Variants in ASIC2 observed in about 807,000 individuals in gnomAD.
The protein encoded by ASIC2 is acid-sensing ion channel 2.
A neutral mutation model predicts 57.3 loss-of-function variants in ASIC2; 25 were observed. The observed-to-expected ratio is 0.44, with a 90% CI of 0.32 to 0.61. The LOEUF is 0.61. ASIC2 is among the 20% of genes least tolerant of loss of function. The probability of loss-of-function intolerance (pLI) is 0.06; values close to 1 mark genes in which losing one functional copy is unlikely to be tolerated. For synonymous variants in ASIC2, 319 were observed against 307.5 expected (o/e 1.04, Z -0.39); for missense variants, 641 against 738.1 (o/e 0.87, Z 1.52).
At chr17:33,796,962 C>T (rs905018761) in intron 1 of ASIC2, among the ~76,000 whole-genome samples, 3 of 151,998 alleles carry the variant, frequency 2.0e-5, no homozygotes, top group African/African-American at 7.3e-5. Flanking sequence ...ATGGTGTCTC[C>T]CTTATGCAAG....
intron 1 of ASIC2, among the ~76,000 whole-genome samples, chr17:33,523,263 T>C (rs1172807899): frequency 6.6e-6 from 1 of 152,160 alleles, no homozygotes; most frequent in Non-Finnish European, 1.5e-5. Context: ...ATTTTTTATG[T>C]ATTTACTTTT....
intron 1 of ASIC2, among the ~76,000 whole-genome samples, chr17:33,830,380 C>A (rs1323374276): frequency 6.6e-6 from 1 of 152,106 alleles, no homozygotes; most frequent in Non-Finnish European, 1.5e-5. Flanking sequence ...GGCCCTTCAC[C>A]TGTTCTTGGC....
intron 1 of ASIC2, among the ~76,000 whole-genome samples, chr17:33,679,722 C>T (rs1437151668): frequency 6.6e-6 from 1 of 152,156 alleles, no homozygotes; most frequent in Admixed American, 6.5e-5. Context: ...CAAGGAAGAG[C>T]AGGCCAGGCG....
rs114846698 is a variant in ASIC2, at chr17:33,069,094, C to T, written c.987+19769G>A. Among the ~76,000 whole-genome samples, 1,223 of 152,166 alleles carry T rather than the reference C, an allele frequency of 8.0e-3. 19 individuals are homozygous for T. The highest frequency in any genetic ancestry group is 0.028 in the African/African-American group (1,152 of 41,482). On this transcript the variant is annotated intron_variant, in intron 3 of 9. Transcript: ENST00000225823. Reference sequence around the variant, plus strand: ...TTCACTTTTGATTTCTTCTTTCATCCATGGATTATTTAGAAGTGTGTTATT... The same window carrying T: ...TTCACTTTTGATTTCTTCTTTCATCTATGGATTATTTAGAAGTGTGTTATT...
chr17:33,658,469 C>T (rs1205302577), intron 1 of ASIC2, among the ~76,000 whole-genome samples: 1 of 152,174 alleles, frequency 6.6e-6, no homozygotes, highest in African/African-American at 2.4e-5. Context: ...GTGTCTTGGT[C>T]TCTTGGGGCT....
At chr17:33,084,543 C>T (rs1472275101) in intron 3 of ASIC2, among the ~76,000 whole-genome samples, 3 of 152,154 alleles carry the variant, frequency 2.0e-5, no homozygotes, top group Non-Finnish European at 2.9e-5. Flanking sequence ...GCTACGCAAC[C>T]TTGAACAAGT....
chr17:33,567,172 T>C (rs937830091), intron 1 of ASIC2, among the ~76,000 whole-genome samples: 1 of 151,938 alleles, frequency 6.6e-6, no homozygotes, highest in Non-Finnish European at 1.5e-5. Flanking sequence ...GCTGCTTTAG[T>C]GAGGGCCATT....
At chr17:34,087,804 T>C (rs972469872) in intron 1 of ASIC2, among the ~76,000 whole-genome samples, 4 of 152,204 alleles carry the variant, frequency 2.6e-5, no homozygotes, top group African/African-American at 4.8e-5. Context: ...CTTCCATCAC[T>C]GATACCCTTT....
chr17:33,703,527 A>G (rs1908772967), intron 1 of ASIC2, among the ~76,000 whole-genome samples: 1 of 151,924 alleles, frequency 6.6e-6, no homozygotes, highest in South Asian at 2.1e-4. Flanking sequence ...TAATTTCTGT[A>G]GTTTTTGTAG....
chr17:33,432,114 G>A (rs1911440714), intron 1 of ASIC2, among the ~76,000 whole-genome samples: 2 of 152,270 alleles, frequency 1.3e-5, no homozygotes, highest in East Asian at 1.9e-4. Flanking sequence ...GAGCTGCGTG[G>A]GTCCAGTAAT....
At chr17:33,165,874 C>A (rs905453766) in intron 1 of ASIC2, among the ~76,000 whole-genome samples, 4 of 152,178 alleles carry the variant, frequency 2.6e-5, no homozygotes, top group African/African-American at 9.7e-5. Flanking sequence ...TTCATTCATT[C>A]AACCAATCAT....
chr17:33,891,788 C>A (rs768357429), intron 1 of ASIC2, among the ~76,000 whole-genome samples: 1 of 152,152 alleles, frequency 6.6e-6, no homozygotes, highest in Non-Finnish European at 1.5e-5. Flanking sequence ...ATGAAGACAA[C>A]TAAACATTTA....
At chr17:33,788,161 T>A (rs1163064396) in intron 1 of ASIC2, among the ~76,000 whole-genome samples, 1 of 151,946 alleles carries the variant, frequency 6.6e-6, no homozygotes, top group African/African-American at 2.4e-5. Flanking sequence ...AATCTACCCA[T>A]CTGACAAAGG....
In ASIC2 at chr17:33,291,836, A is replaced by C. The variant is rs747481582; in HGVS notation, c.280T>G (p.Cys94Gly). ...GACAGCAGCAAGCCGAAGGATGTAC[A>C]GAAGGCCAGCACCCACAGCGCCCGC... ...QRRALWVLAF[C>G]TSFGLLLSWS... is the part of the protein sequence containing the mutation. The change falls in exon 1 of 10, where the codon TGT (cysteine) becomes GGT (glycine). Residue 94 changes from cysteine to glycine, a missense_variant. Physicochemically the swap from Cys to Gly is radical, Grantham distance 159. Transcript: ENST00000225823. The C allele has an allele frequency of 1.2e-6, 2 of 1,610,984 alleles. No individual in the cohort carries two copies.
chr17:33,437,728 G>A (rs1173540468), intron 1 of ASIC2, among the ~76,000 whole-genome samples: 5 of 151,698 alleles, frequency 3.3e-5, no homozygotes, highest in South Asian at 2.1e-4. Context: ...CCCAGGATGC[G>A]GAGGTTGCAG....
intron 1 of ASIC2, among the ~76,000 whole-genome samples, chr17:33,725,156 G>GTTGGGGGA (rs1156954997): frequency 1.3e-5 from 2 of 152,230 alleles, no homozygotes; most frequent in South Asian, 4.1e-4. Flanking sequence ...GCTCCCCACA[G>GTTGGGGGA]CCTCTCACTG....
At chr17:33,558,609 G>C (rs1329768122) in intron 1 of ASIC2, among the ~76,000 whole-genome samples, 1 of 152,150 alleles carries the variant, frequency 6.6e-6, no homozygotes, top group Non-Finnish European at 1.5e-5. Context: ...TTTCTCTTGA[G>C]GGCCAGATAG....
chr17:33,377,056 G>GA, intron 1 of ASIC2, among the ~76,000 whole-genome samples: 1 of 152,016 alleles, frequency 6.6e-6, no homozygotes, highest in East Asian at 1.9e-4. Context: ...GTTTTTTTTG[G>GA]AGGGGGGGAG....
chr17:33,456,592 T>C (rs1441535047), intron 1 of ASIC2, among the ~76,000 whole-genome samples: 1 of 152,236 alleles, frequency 6.6e-6, no homozygotes, highest in Non-Finnish European at 1.5e-5. Flanking sequence ...CTATTTGGAA[T>C]GATTCCTTCT....
Sources: gnomAD v4.1 joint callset for allele counts (sites outside exome capture counted in the v4.1 genomes callset) on GRCh38, gnomAD v4.1.1 for gene constraint, MANE v1.5 for transcripts, NCBI Gene and HGNC (gene_info 2026-07-23, HGNC 2026-07-21) for gene names.